The following EPM2A variants were observed in gnomAD, a reference collection of about 807,000 sequenced individuals.
EPM2A encodes the protein EPM2A glucan phosphatase, laforin.
Under a neutral mutation model 26.5 loss-of-function variants are expected in EPM2A, and 21 were observed. The ratio of observed to expected loss-of-function variants is 0.79; its 90% CI spans 0.56 to 1.14. EPM2A has a LOEUF of 1.14. Among genes scored for constraint, EPM2A ranks in the 50% most tolerant of loss-of-function variants. The probability of loss-of-function intolerance (pLI) is 0.00; values close to 1 mark genes in which losing one functional copy is unlikely to be tolerated. For synonymous variants in EPM2A, 217 were observed against 177.6 expected, an observed-to-expected ratio of 1.22 and a Z score of -1.76; for missense variants, 458 against 440.8, an observed-to-expected ratio of 1.04 and a Z score of -0.35.
chr6:145,470,967 T>A (rs1427598965), intron 4 of EPM2A, among the ~76,000 whole-genome samples: 1 of 152,174 alleles, frequency 6.6e-6, no homozygotes, highest in Non-Finnish European at 1.5e-5. Flanking sequence ...ATGTATTGAC[T>A]CCAAGTTTTG....
chr6:145,670,708 A>G (rs941494326), intron 2 of EPM2A, among the ~76,000 whole-genome samples: 4 of 152,030 alleles, frequency 2.6e-5, no homozygotes, highest in Non-Finnish European at 4.4e-5. Context: ...TCCTAATATA[A>G]TGATATATAT....
chr6:145,632,383 G>A (rs1469885697), intron 3 of EPM2A: 3 of 152,230 alleles, frequency 2.0e-5, no homozygotes, highest in Admixed American at 6.5e-5. Flanking sequence ...GTGCTGCAGT[G>A]ACAGAGGTCA....
intron 1 of EPM2A, among the ~76,000 whole-genome samples, chr6:145,716,167 A>G (rs183062003): frequency 3.3e-5 from 5 of 152,296 alleles, no homozygotes; most frequent in Non-Finnish European, 7.3e-5. Context: ...GCTTTTTAGA[A>G]TTTTGCGGAA....
chr6:145,550,157 G>T (rs1780635531), intron 2 of EPM2A, among the ~76,000 whole-genome samples: 1 of 152,058 alleles, frequency 6.6e-6, no homozygotes, highest in Non-Finnish European at 1.5e-5. Context: ...TGCAGGGAGA[G>T]ACTTTCTCTG....
intron 1 of EPM2A, among the ~76,000 whole-genome samples, chr6:145,716,700 A>C (rs1299932300): frequency 2.0e-5 from 3 of 151,954 alleles, no homozygotes; most frequent in Non-Finnish European, 2.9e-5. Context: ...CTCTCCCCTC[A>C]TCACCACCAC....
intron 4 of EPM2A, among the ~76,000 whole-genome samples, chr6:145,418,837 A>G (rs1159677648): frequency 6.6e-6 from 1 of 152,122 alleles, no homozygotes; most frequent in Non-Finnish European, 1.5e-5. Context: ...CTGCTCTGAA[A>G]CCTGGCTCTT....
At chr6:145,530,550 A>G (rs1185284853) in intron 2 of EPM2A, among the ~76,000 whole-genome samples, 1 of 152,100 alleles carries the variant, frequency 6.6e-6, no homozygotes, top group Non-Finnish European at 1.5e-5. Flanking sequence ...TACCCACATT[A>G]TTGTGCCAGT....
At chr6:145,582,392 G>C (rs1321309426) in intron 2 of EPM2A, among the ~76,000 whole-genome samples, 1 of 152,186 alleles carries the variant, frequency 6.6e-6, no homozygotes, top group Admixed American at 6.5e-5. Context: ...GCCATGCACA[G>C]AGAAGAAGAA....
chr6:145,578,125 A>T (rs915570319), intron 2 of EPM2A, among the ~76,000 whole-genome samples: 2 of 152,110 alleles, frequency 1.3e-5, no homozygotes, highest in Admixed American at 1.3e-4. Flanking sequence ...CAACCTAATG[A>T]TGCATCTTAA....
At chr6:145,406,887 A>G (rs928770917) in intron 4 of EPM2A, among the ~76,000 whole-genome samples, 1 of 152,164 alleles carries the variant, frequency 6.6e-6, no homozygotes, top group Non-Finnish European at 1.5e-5. Flanking sequence ...ACATGTTTTA[A>G]TAAGCCCTTC....
chr6:145,724,601 T>A (rs955388729), intron 1 of EPM2A, among the ~76,000 whole-genome samples: 1 of 152,018 alleles, frequency 6.6e-6, no homozygotes, highest in Non-Finnish European at 1.5e-5. Flanking sequence ...CTACACTATT[T>A]CAAGATTAGT....
chr6:145,406,525 A>G (rs964822793), intron 4 of EPM2A, among the ~76,000 whole-genome samples: 1 of 152,176 alleles, frequency 6.6e-6, no homozygotes, highest in Non-Finnish European at 1.5e-5. Context: ...GGATGTATAT[A>G]CATACATTAT....
At chr6:145,493,874 G>C (rs1001817910) in intron 4 of EPM2A, among the ~76,000 whole-genome samples, 7 of 152,202 alleles carry the variant, frequency 4.6e-5, no homozygotes, top group African/African-American at 1.4e-4. Flanking sequence ...TGGGCTGCTG[G>C]ATTTGGCTTG....
intron 2 of EPM2A, among the ~76,000 whole-genome samples, chr6:145,509,051 T>C (rs987107481): frequency 2.6e-5 from 4 of 152,106 alleles, no homozygotes; most frequent in African/African-American, 9.7e-5. Context: ...AAAAATTATT[T>C]TTAAAAAATT....
chr6:145,632,939 T>G (rs1776374636), intron 3 of EPM2A, among the ~76,000 whole-genome samples: 1 of 152,248 alleles, frequency 6.6e-6, no homozygotes, highest in Non-Finnish European at 1.5e-5. Flanking sequence ...GCTTGCATTT[T>G]GCAGCTCAAA....
chr6:145,546,344 A>C (rs913838131), intron 2 of EPM2A, among the ~76,000 whole-genome samples: 1 of 152,154 alleles, frequency 6.6e-6, no homozygotes, highest in African/African-American at 2.4e-5. Context: ...AGAAAGAAAA[A>C]AAAGTTCTTC....
chr6:145,596,194 G>A (rs891216573), intron 2 of EPM2A, among the ~76,000 whole-genome samples: 3 of 152,092 alleles, frequency 2.0e-5, no homozygotes, highest in African/African-American at 7.2e-5. Flanking sequence ...TTTACACTTT[G>A]CTAAACTACA....
chr6:145,566,562 T>C (rs1780886793), intron 2 of EPM2A, among the ~76,000 whole-genome samples: 1 of 152,220 alleles, frequency 6.6e-6, no homozygotes, highest in South Asian at 2.1e-4. Flanking sequence ...GACTACCATG[T>C]CAATTCCTTT....
chr6:145,674,491 C>G (rs1412058398), intron 2 of EPM2A, among the ~76,000 whole-genome samples: 1 of 152,024 alleles, frequency 6.6e-6, no homozygotes, highest in Non-Finnish European at 1.5e-5. Flanking sequence ...ACAAATTTGT[C>G]CGAGCCAAAC....
Sources: allele counts gnomAD v4.1 joint callset (sites outside exome capture counted in the v4.1 genomes callset), GRCh38; gene constraint gnomAD v4.1.1; transcripts MANE v1.5; gene names NCBI Gene and HGNC (gene_info 2026-07-23, HGNC 2026-07-21).